EME2: variants seen among roughly 807,000 people sequenced by gnomAD.
EME2 encodes the protein structure-specific endonuclease subunit EME2.
A neutral mutation model predicts 41.9 loss-of-function variants in EME2; 58 were observed. The observed-to-expected ratio is 1.38, with a 90% CI of 1.12 to 1.72. EME2 has a LOEUF of 1.72. Ranked by LOEUF, EME2 falls within the 40% of genes most tolerant of loss-of-function variation. EME2 has a pLI of 0.00. For synonymous variants in EME2, 334 were observed against 239.3 expected (o/e 1.40, Z -3.65); for missense variants, 695 against 541.9 (o/e 1.28, Z -2.81).
chr16:1,773,990 G>A (rs753436339), intron 2 of EME2, 149 bp downstream of exon 2: 10 of 1,129,986 alleles, frequency 8.8e-6, no homozygotes, highest in South Asian at 8.1e-5. Context: ...GGAAGTGGAG[G>A]TGCCCAAGCC....
In EME2 at chr16:1,772,989, G is replaced by A. The variant is rs977891012; in HGVS notation, c.-239G>A. ...GACCGGCAGCCGGCGTCCAGAGAAC[G>A]GCCGCGTCAAGGTCTCGTAGTCCAC... On this transcript the variant is annotated 5_prime_UTR_variant, in exon 1 of 8. Coordinates refer to ENST00000568449, the MANE Select transcript of EME2 (RefSeq NM_001257370.2). 41 of 1,452,824 alleles carry A rather than the reference G, an allele frequency of 2.8e-5. No individual in the cohort carries two copies. Among genetic ancestry groups the A allele is most frequent in the Non-Finnish European group, 3.6e-5 (40 of 1,104,078 alleles). The allele number at this position is 1,452,824 out of a possible 1,614,324, so 90.0% of individuals were successfully genotyped here.
At position 1,775,591 on chromosome 16, in the gene EME2, G is replaced by A. The variant is rs1567228021; in HGVS notation, c.686G>A (p.Trp229Ter). 1 of 1,612,900 alleles carries A rather than the reference G, an allele frequency of 6.2e-7. No homozygotes were observed. Among genetic ancestry groups the A allele is most frequent in the Non-Finnish European group, 8.5e-7 (1 of 1,179,998 alleles). The change falls in exon 6 of 8, where the codon TGG becomes TAG. Residue 229 changes from tryptophan to a stop codon, truncating the protein, a stop_gained. Coordinates refer to ENST00000568449, the MANE Select transcript of EME2 (RefSeq NM_001257370.2). LOFTEE classifies it high-confidence loss of function. ...CAGGCCCTGGTACTCCTGCAGCTCT[G>A]GGCAAACCTGGACGTGCTACTGGTG... Reference protein sequence around the residue: ...VEEALVLLQLWANLDVLLVAS... With the variant: ...VEEALVLLQL
In EME2 at chr16:1,776,156, G is replaced by C. The variant is rs1489361947; in HGVS notation, c.1058G>C (p.Arg353Thr). Reference sequence around the variant, plus strand: ...CCCAGTGAAGGCGGGCGTCCCCGCAGGGTGGGGCCTGACCTCTCCCGCCGC... The same window carrying C: ...CCCAGTGAAGGCGGGCGTCCCCGCACGGTGGGGCCTGACCTCTCCCGCCGC... ...VPPSEGGRPR[R>T]VGPDLSRRIC... The change falls in exon 8 of 8, where the codon AGG becomes ACG. Residue 353 changes from arginine (R) to threonine (T), a missense_variant. Transcript: ENST00000568449. 1.2e-6 allele frequency: 2 copies of C among 1,612,516 alleles called. No homozygotes were observed. Among genetic ancestry groups the C allele is most frequent in the East Asian group, 2.2e-5 (1 of 44,878 alleles).
rs775350893 is a variant in EME2 at position 1,781,519 on chromosome 16, G to A, written c.*5281G>A. The A allele has an allele frequency of 3.7e-6, 6 of 1,604,840 alleles. No individual in the cohort carries two copies. In the South Asian group the frequency reaches 5.5e-5, roughly 15 times the overall value. On this transcript the variant is annotated 3_prime_UTR_variant, in exon 8 of 8. Coordinates refer to ENST00000568449, the MANE Select transcript of EME2 (RefSeq NM_001257370.2). ...ATCTAGAAGAAAACACAGGCTCTGG[G>A]CAAAGGAAGACTCACAGCACTCCCA...
chr16:1,779,253 G>T lies in EME2; in HGVS notation c.*3015G>T, dbSNP rs2042758902. 1 of 152,452 alleles carries T rather than the reference G, an allele frequency of 6.6e-6. No individual in the cohort carries two copies. The highest frequency in any genetic ancestry group is 6.5e-5 in the Admixed American group (1 of 15,290). 9.4% of individuals were successfully genotyped at this position (152,452 alleles called of 1,614,324 possible). A position where few individuals can be genotyped will look rare whatever the true frequency, so the allele number is the denominator to read the frequency against. Reference sequence around the variant, plus strand: ...ATTCTTGGCCTCCTCCCACCAGAACGTGAGCTCCTTGTGGGAGGCAGTGCC... The same window carrying T: ...ATTCTTGGCCTCCTCCCACCAGAACTTGAGCTCCTTGTGGGAGGCAGTGCC... On this transcript the variant is annotated 3_prime_UTR_variant, in exon 8 of 8. Coordinates refer to ENST00000568449, the MANE Select transcript of EME2 (RefSeq NM_001257370.2).
Position 1,780,277 on chromosome 16 carries a change from G to A in EME2, c.*4039G>A, listed in dbSNP as rs1270793351. 1 of 152,392 alleles carries A rather than the reference G, an allele frequency of 6.6e-6. No homozygotes were observed. Among genetic ancestry groups the A allele is most frequent in the East Asian group, 1.9e-4 (1 of 5,196 alleles). 9.4% of individuals were successfully genotyped at this position (152,392 alleles called of 1,614,324 possible). The stretch of plus-strand genomic sequence containing the variant: ...GGCACATGACCTGTGGTAGCTGGAA[G>A]TGGGGCAGGGAGGCGCAGCCACACT... On this transcript the variant is annotated 3_prime_UTR_variant, in exon 8 of 8. Coordinates refer to ENST00000568449, the MANE Select transcript of EME2 (RefSeq NM_001257370.2).
Position 1,778,629 on chromosome 16 carries a change from G to A in EME2, c.*2391G>A, listed in dbSNP as rs566677775. 2.2e-4 allele frequency: 331 copies of A among 1,532,666 alleles called. 1 individual carries two copies. In the South Asian group the frequency reaches 3.4e-3, roughly 16 times the overall value. The allele number at this position is 1,532,666 out of a possible 1,614,324, so 94.9% of individuals were successfully genotyped here. ...GTCGCTGTGCTGGGAGAGAAGGGCC[G>A]GCTGTTACTACCTGTTGCCCGCTCT... On this transcript the variant is annotated 3_prime_UTR_variant, in exon 8 of 8. Coordinates refer to ENST00000568449, the MANE Select transcript of EME2 (RefSeq NM_001257370.2).
At chr16:1,773,533 C>T in intron 1 of EME2, 59 bp downstream of exon 1, 1 of 1,536,222 alleles carries the variant, frequency 6.5e-7, no homozygotes, top group Non-Finnish European at 8.7e-7. Flanking sequence ...CGCCAGGCGG[C>T]GCCCTCTGTC....
Position 1,773,224 on chromosome 16 carries a change from G to A in EME2, c.-4G>A. On this transcript the variant is annotated 5_prime_UTR_variant, in exon 1 of 8. Coordinates refer to ENST00000568449, the MANE Select transcript of EME2 (RefSeq NM_001257370.2). ...CCGGAAGCGAGGAAGAGGTCGGTCC[G>A]GCCATGGCGCGGGTTGGACCCGGGA... is the stretch of plus-strand genomic sequence containing the variant. The A allele has an allele frequency of 4.2e-6, 6 of 1,444,696 alleles. No homozygotes were observed. The highest frequency in any genetic ancestry group is 5.4e-6 in the Non-Finnish European group (6 of 1,108,292). 89.5% of individuals were successfully genotyped at this position (1,444,696 alleles called of 1,614,324 possible).
At position 1,775,413 on chromosome 16, in the gene EME2, G is replaced by A. The variant is rs1245217140; in HGVS notation, c.663+5G>A. On this transcript the variant is annotated splice_donor_5th_base_variant and intron_variant, in intron 5 of 7. Transcript: ENST00000568449. ...AGCTGGCCGGAGGTGGAAGAGGTGA[G>A]GGCCTGTCTGAGCTGGGTGAGTCAG... 5 of 1,612,366 alleles carry A rather than the reference G, an allele frequency of 3.1e-6. No homozygotes were observed. The highest frequency in any genetic ancestry group is 3.3e-5 in the Admixed American group (2 of 59,908).
At chr16:1,774,803 G>C in intron 3 of EME2, 1 of 588,872 alleles carries the variant, frequency 1.7e-6, no homozygotes, top group Non-Finnish European at 3.0e-6. Context: ...ACCAGGATGA[G>C]GGGCTCAATG....
Position 1,781,087 on chromosome 16 carries a change from G to A in EME2, c.*4849G>A, listed in dbSNP as rs1228597716. The A allele has an allele frequency of 2.4e-6, 3 of 1,271,412 alleles. No individual in the cohort carries two copies. The highest frequency in any genetic ancestry group is 3.0e-5 in the East Asian group (1 of 33,454). The allele number at this position is 1,271,412 out of a possible 1,614,324, so 78.8% of individuals were successfully genotyped here. On this transcript the variant is annotated 3_prime_UTR_variant, in exon 8 of 8. Transcript: ENST00000568449. Reference sequence around the variant, plus strand: ...CAAAAGCAACTGCCAACCTCTCCATGCACCATGTGTTTCAGAGGAGAAAGC... The same window carrying A: ...CAAAAGCAACTGCCAACCTCTCCATACACCATGTGTTTCAGAGGAGAAAGC...
chr16:1,773,502 G>A (rs921028922), intron 1 of EME2, 28 bp downstream of exon 1: 28 of 1,572,658 alleles, frequency 1.8e-5, no homozygotes, highest in Non-Finnish European at 2.4e-5. Context: ...GGCGATACTC[G>A]GGGTAGGAAA....
At chr16:1,773,903 A>G in intron 2 of EME2, 62 bp downstream of exon 2, 2 of 1,480,654 alleles carry the variant, frequency 1.4e-6, no homozygotes, top group Admixed American at 2.3e-5. Flanking sequence ...CCATGATTTC[A>G]GCCCTGGAGC....
At chr16:1,774,841 C>G in intron 3 of EME2, 200 bp from the exon 4 acceptor site, 2 of 646,252 alleles carry the variant, frequency 3.1e-6, no homozygotes, top group South Asian at 3.6e-5. Context: ...AGCAGCCACT[C>G]CAGGGTCTCC....
At position 1,773,056 on chromosome 16, in the gene EME2, G is replaced by C; in HGVS notation, c.-172G>C. The C allele has an allele frequency of 7.0e-7, 1 of 1,420,562 alleles. No homozygotes were observed. Among genetic ancestry groups the C allele is most frequent in the Non-Finnish European group, 9.2e-7 (1 of 1,088,926 alleles). The allele number at this position is 1,420,562 out of a possible 1,614,324, so 88.0% of individuals were successfully genotyped here. ...TCGCGCGGCCTGTTCAGTTGCTCCC[G>C]CAGGGCGCGCACGCGGCGGGCCAGC... On this transcript the variant is annotated 5_prime_UTR_variant, in exon 1 of 8. Transcript: ENST00000568449.
rs1197286935 is a variant in EME2 at position 1,773,775 on chromosome 16, C to A, written c.318C>A (p.Ile106=). The A allele has an allele frequency of 6.4e-7, 1 of 1,551,490 alleles. No individual in the cohort carries two copies. Among genetic ancestry groups the A allele is most frequent in the Admixed American group, 1.9e-5 (1 of 51,680 alleles). The change falls in exon 2 of 8, where the codon ATC becomes ATA. Residue 106 remains isoleucine (I), a synonymous_variant. Transcript: ENST00000568449. ...AGGCCCTGGGCTGCGAGTGCCGCAT[C>A]GAGCCCCAGCGCCCGGCCCGCAGCC... ...ALEALGCECR[I]EPQRPARSLR...
rs751574447 is a variant in EME2 at position 1,773,424 on chromosome 16, T to TGCTGCGGCC, written c.199_207dup (p.Leu67_Pro69dup). On this transcript the variant is annotated inframe_insertion, in exon 1 of 8. Coordinates refer to ENST00000568449, the MANE Select transcript of EME2 (RefSeq NM_001257370.2). ...AGGGCGGCTGCCGAGGCGTTGCGGC[T>TGCTGCGGCC]GCTGCGGCCGGAGCAGGTCCTGAAG... 11 of 1,568,018 alleles carry TGCTGCGGCC rather than the reference T, an allele frequency of 7.0e-6. No individual in the cohort carries two copies. Among genetic ancestry groups the TGCTGCGGCC allele is most frequent in the Middle Eastern group, 1.7e-4 (1 of 5,752 alleles).
chr16:1,775,983 G>A lies in EME2; in HGVS notation c.966G>A (p.Gln322=), dbSNP rs2042706318. 1 of 1,608,444 alleles carries A rather than the reference G, an allele frequency of 6.2e-7. No homozygotes were observed. The highest frequency in any genetic ancestry group is 1.3e-5 in the African/African-American group (1 of 74,986). Reference sequence around the variant, plus strand: ...CCTTCCCCTCCCCCCGCCTTCTGCAGCAGGTGGGCCCCTGCCTCCTCCAAG... The same window carrying A: ...CCTTCCCCTCCCCCCGCCTTCTGCAACAGGTGGGCCCCTGCCTCCTCCAAG... ...VTAFPSPRLL[Q]QALEACSTER... is the part of the protein sequence containing the mutation. Residue 322 remains glutamine, a synonymous_variant, in exon 7 of 8, where the codon CAG becomes CAA. Coordinates refer to ENST00000568449, the MANE Select transcript of EME2 (RefSeq NM_001257370.2).
Sources: allele counts gnomAD v4.1 joint callset, GRCh38; gene constraint gnomAD v4.1.1; transcripts MANE v1.5; gene names NCBI Gene and HGNC (gene_info 2026-07-23, HGNC 2026-07-21).